Variants in ARNT2 observed in about 807,000 individuals in gnomAD.
ARNT2 encodes the protein ARNT protein 2.
In ARNT2, 36 loss-of-function variants were observed where a neutral mutation model predicts 91.7. The observed-to-expected ratio is 0.39, with a 90% CI of 0.30 to 0.52. ARNT2 has a LOEUF of 0.52. ARNT2 is among the 20% of genes least tolerant of loss of function. The pLI is 0.72. For missense variants in ARNT2, 775 were observed against 939.3 expected (o/e 0.83, Z 2.29); for synonymous variants, 365 against 347.1 (o/e 1.05, Z -0.57).
At chr15:80,472,962 A>C (rs1453544173) in intron 4 of ARNT2, among the ~76,000 whole-genome samples, 17 of 152,138 alleles carry the variant, frequency 1.1e-4, no homozygotes, top group Admixed American at 1.1e-3. Flanking sequence ...TGGCGTGAAG[A>C]GAGAAGGCAG....
At chr15:80,487,255 C>A (rs567075033) in intron 5 of ARNT2, among the ~76,000 whole-genome samples, 1 of 152,234 alleles carries the variant, frequency 6.6e-6, no homozygotes, top group African/African-American at 2.4e-5. Flanking sequence ...GTCCTGCCCA[C>A]CTCCCCGTGC....
intron 11 of ARNT2, chr15:80,555,431 A>C (rs1332633356): frequency 1.6e-5 from 6 of 370,664 alleles, no homozygotes. Context: ...GAATTGTTCC[A>C]GGGGAGAGAA....
chr15:80,437,959 A>G (rs953843901), intron 1 of ARNT2, among the ~76,000 whole-genome samples: 1 of 151,624 alleles, frequency 6.6e-6, no homozygotes, highest in African/African-American at 2.4e-5. Context: ...ACACACACAC[A>G]CAGAGTCTCT....
chr15:80,420,579 A>G (rs1432335854), intron 1 of ARNT2, among the ~76,000 whole-genome samples: 1 of 151,926 alleles, frequency 6.6e-6, no homozygotes, highest in Non-Finnish European at 1.5e-5. Flanking sequence ...CTGTATGAAT[A>G]TATATATTAT....
At chr15:80,559,204 G>A (rs939156487) in intron 11 of ARNT2, among the ~76,000 whole-genome samples, 34 of 152,360 alleles carry the variant, frequency 2.2e-4, no homozygotes, top group African/African-American at 7.9e-4. Flanking sequence ...AGACAAAGAA[G>A]GAATTTAACA....
intron 1 of ARNT2, among the ~76,000 whole-genome samples, chr15:80,439,363 G>C (rs1252910567): frequency 6.6e-6 from 1 of 152,160 alleles, no homozygotes; most frequent in Non-Finnish European, 1.5e-5. Context: ...AAATGATCTT[G>C]CAATAGGTAT....
rs768779815 is a variant in ARNT2, at chr15:80,475,096, C to G, written c.495C>G (p.Asp165Glu). The change falls in exon 5 of 19, where the codon GAC becomes GAG. Residue 165 changes from aspartate to glutamate, a missense_variant. Transcript: ENST00000303329. Reference sequence around the variant, plus strand: ...CAGGGCGAGTGATTTATGTGTCTGACTCCGTCACCCCTGTTCTGAACCAGC... The same window carrying G: ...CAGGGCGAGTGATTTATGTGTCTGAGTCCGTCACCCCTGTTCTGAACCAGC... ...AETGRVIYVS[D>E]SVTPVLNQPQ... is the part of the protein sequence containing the mutation. 6.8e-6 allele frequency: 11 copies of G among 1,614,082 alleles called. No homozygotes were observed. Among genetic ancestry groups the G allele is most frequent in the Non-Finnish European group, 8.5e-6 (10 of 1,180,058 alleles).
At chr15:80,462,472 C>G (rs182084145) in intron 3 of ARNT2, among the ~76,000 whole-genome samples, 15 of 152,338 alleles carry the variant, frequency 9.8e-5, no homozygotes, top group African/African-American at 2.2e-4. Context: ...TGGGGACAAA[C>G]AAGCATGCAG....
chr15:80,450,855 A>C (rs753335600), intron 1 of ARNT2, 25 bp from the exon 2 acceptor site: 2 of 1,611,892 alleles, frequency 1.2e-6, no homozygotes, highest in Admixed American at 3.3e-5. Flanking sequence ...CATTGACAAA[A>C]CCTCTTGTCT....
intron 8 of ARNT2, among the ~76,000 whole-genome samples, chr15:80,522,450 A>C (rs1897563722): frequency 6.6e-6 from 1 of 152,174 alleles, no homozygotes; most frequent in South Asian, 2.1e-4. Context: ...ACATCCTGAG[A>C]AATGTGTCAT....
intron 11 of ARNT2, among the ~76,000 whole-genome samples, chr15:80,559,160 C>A (rs1343148306): frequency 6.6e-6 from 1 of 152,194 alleles, no homozygotes; most frequent in Non-Finnish European, 1.5e-5. Flanking sequence ...AGGCTTCAGA[C>A]TGCTGACGCT....
chr15:80,557,954 T>C (rs1898228060), intron 11 of ARNT2, among the ~76,000 whole-genome samples: 1 of 152,224 alleles, frequency 6.6e-6, no homozygotes, highest in South Asian at 2.1e-4. Context: ...CTCCTTATCA[T>C]AGCTTCATGC....
At chr15:80,578,641 A>G (rs1898730292) in intron 15 of ARNT2, among the ~76,000 whole-genome samples, 1 of 151,890 alleles carries the variant, frequency 6.6e-6, no homozygotes, top group African/African-American at 2.4e-5. Context: ...TGTAGGGTGC[A>G]CAGGGCAGTG....
chr15:80,423,202 T>C (rs917286915), intron 1 of ARNT2, among the ~76,000 whole-genome samples: 2 of 152,178 alleles, frequency 1.3e-5, no homozygotes, highest in African/African-American at 2.4e-5. Context: ...ATGAAATGTG[T>C]TTCGTGCAGC....
chr15:80,516,827 A>AT (rs1304325512), intron 8 of ARNT2, among the ~76,000 whole-genome samples: 1 of 99,614 alleles, frequency 1.0e-5, no homozygotes. Context: ...ATACAATTAC[A>AT]AATATATATA....
chr15:80,469,996 T>C (rs750800005), intron 3 of ARNT2, among the ~76,000 whole-genome samples: 3 of 152,128 alleles, frequency 2.0e-5, no homozygotes, highest in Non-Finnish European at 4.4e-5. Flanking sequence ...TATTTAGAGA[T>C]TGAGACTATA....
intron 5 of ARNT2, among the ~76,000 whole-genome samples, chr15:80,481,747 A>C (rs144715682): frequency 2.6e-5 from 4 of 152,066 alleles, no homozygotes; most frequent in African/African-American, 9.7e-5. Flanking sequence ...TAACAGTGAA[A>C]TATTAATAGC....
intron 1 of ARNT2, among the ~76,000 whole-genome samples, chr15:80,413,208 C>G (rs769587564): frequency 6.6e-6 from 1 of 152,240 alleles, no homozygotes; most frequent in Non-Finnish European, 1.5e-5. Context: ...ACTGGGCTCT[C>G]CATGCCAACC....
At chr15:80,534,457 AT>A (rs1409119966) in intron 8 of ARNT2, among the ~76,000 whole-genome samples, 1 of 152,220 alleles carries the variant, frequency 6.6e-6, no homozygotes, top group African/African-American at 2.4e-5. Flanking sequence ...TTAAAAGGTT[AT>A]GAATAGTCCC....
Sources: gnomAD v4.1 joint callset for allele counts (sites outside exome capture counted in the v4.1 genomes callset) on GRCh38, gnomAD v4.1.1 for gene constraint, MANE v1.5 for transcripts, NCBI Gene and HGNC (gene_info 2026-07-23, HGNC 2026-07-21) for gene names.